Variants in MPO observed in about 807,000 individuals in gnomAD.
MPO encodes the protein myeloperoxidase.
Under a neutral mutation model 69.4 loss-of-function variants are expected in MPO, and 57 were observed. That is an observed-to-expected ratio of 0.82 (90% CI 0.66 to 1.02). MPO has a LOEUF of 1.02. Among genes scored for constraint, MPO ranks in the 50% least tolerant of loss-of-function variants. The pLI, the probability that MPO is intolerant of heterozygous loss-of-function variation, is 0.00. For missense variants in MPO, 971 were observed against 1,014.1 expected (o/e 0.96, Z 0.58); for synonymous variants, 426 against 417.1 (o/e 1.02, Z -0.26).
Position 58,273,478 on chromosome 17 carries a change from C to T in MPO, c.1557G>A (p.Met519Ile), listed in dbSNP as rs921917394. 8 of 1,610,514 alleles carry T rather than the reference C, an allele frequency of 5.0e-6. No homozygotes were observed. The African/African-American group carries it at 9.3e-5, about 19-fold the overall frequency. The change falls in exon 9 of 12, where the codon ATG (methionine) becomes ATA (isoleucine). Residue 519 changes from methionine to isoleucine, a missense_variant. Physicochemically the swap from Met to Ile is conservative, Grantham distance 10. Coordinates refer to ENST00000225275, the MANE Select transcript of MPO (RefSeq NM_000250.2). ...MFRLDNRYQP[M>I]EPNPRVPLSR... ...TGAGGGGGACACGGGGGTTGGGTTC[C>T]ATGGGCTGGTACCGATTGTCCAGGC... is the stretch of plus-strand genomic sequence containing the variant.
rs1415283224 is a variant in MPO, at chr17:58,273,456, G to T, written c.1579C>A (p.Leu527Ile). 1 of 1,614,216 alleles carries T rather than the reference G, an allele frequency of 6.2e-7. No individual in the cohort carries two copies. Among genetic ancestry groups the T allele is most frequent in the African/African-American group, 1.3e-5 (1 of 75,046 alleles). ...QPMEPNPRVP[L>I]SRVFFASWRV... ...CAGGAGGCAAAAAAGACCCTGCTGA[G>T]GGGGACACGGGGGTTGGGTTCCATG... Residue 527 changes from leucine to isoleucine, a missense_variant, in exon 9 of 12, where the codon CTC (leucine) becomes ATC (isoleucine). Physicochemically the swap from Leu to Ile is conservative, Grantham distance 5. Transcript: ENST00000225275.
Position 58,277,813 on chromosome 17 carries a change from A to T in MPO, c.1204+14T>A. On this transcript the variant is annotated intron_variant, in intron 7 of 11. Transcript: ENST00000225275. ...ATCTCCTATGCCACCTCTGGTCCCC[A>T]CCCCAAAGCTGACCTGCCAGGAAGC... The T allele has an allele frequency of 6.2e-7, 1 of 1,600,208 alleles. No homozygotes were observed. The highest frequency in any genetic ancestry group is 8.5e-7 in the Non-Finnish European group (1 of 1,179,930).
chr17:58,274,286 T>C (rs183982901), intron 8 of MPO: 20 of 456,634 alleles, frequency 4.4e-5, no homozygotes, highest in African/African-American at 3.8e-4. Context: ...TTCACTTGAG[T>C]TCTTAGTGCA....
chr17:58,279,838 C>T lies in MPO; in HGVS notation c.424+1G>A, dbSNP rs1970491408. The stretch of plus-strand genomic sequence containing the variant: ...ACCTGGGGTGTGATGGGCAACAGTA[C>T]CAGTGACATTGAATGGCCTTCGCCA... On this transcript the variant is annotated splice_donor_variant, in intron 3 of 11. Transcript: ENST00000225275. LOFTEE classifies it high-confidence loss of function. 6.2e-7 allele frequency: 1 copy of T among 1,613,938 alleles called. No individual in the cohort carries two copies. The highest frequency in any genetic ancestry group is 8.5e-7 in the Non-Finnish European group (1 of 1,180,022).
chr17:58,273,056 G>C (rs1211820346), intron 9 of MPO, 138 bp from the exon 10 acceptor site: 7 of 1,092,570 alleles, frequency 6.4e-6, no homozygotes, highest in African/African-American at 4.7e-5. Context: ...GTGCCAAGGT[G>C]GTGGCCCCAG....
At position 58,278,151 on chromosome 17, in the gene MPO, G is replaced by A. The variant is rs1289482888; in HGVS notation, c.886-6C>T. On this transcript the variant is annotated splice_region_variant and splice_polypyrimidine_tract_variant and intron_variant, in intron 6 of 11. Coordinates refer to ENST00000225275, the MANE Select transcript of MPO (RefSeq NM_000250.2). Reference sequence around the variant, plus strand: ...CGGGGGTCATTGGGCGGGATCTGAGGCACAGAGAGAGGCTAGACTGGCTCA... The same window carrying A: ...CGGGGGTCATTGGGCGGGATCTGAGACACAGAGAGAGGCTAGACTGGCTCA... 1.2e-6 allele frequency: 2 copies of A among 1,600,408 alleles called. No homozygotes were observed. The highest frequency in any genetic ancestry group is 2.2e-5 in the East Asian group (1 of 44,870).
Position 58,277,965 on chromosome 17 carries a change from T to C in MPO, c.1066A>G (p.Met356Val), listed in dbSNP as rs775499616. 60 of 1,613,592 alleles carry C rather than the reference T, an allele frequency of 3.7e-5. No homozygotes were observed. The highest frequency in any genetic ancestry group is 4.3e-5 in the Non-Finnish European group (51 of 1,180,036). The change falls in exon 7 of 12, where the codon ATG becomes GTG. Residue 356 changes from methionine to valine, a missense_variant. Physicochemically the swap from Met to Val is conservative, Grantham distance 21. Coordinates refer to ENST00000225275, the MANE Select transcript of MPO (RefSeq NM_000250.2). ...EEPLARNLRNMSNQLGLLAVN... is the reference protein window; with the variant it reads ...EEPLARNLRNVSNQLGLLAVN... Reference sequence around the variant, plus strand: ...GCCAGCAGCCCCAGCTGGTTGGACATGTTGCGCAGGTTCCTGGCCAGGGGC... The same window carrying C: ...GCCAGCAGCCCCAGCTGGTTGGACACGTTGCGCAGGTTCCTGGCCAGGGGC...
rs534701930 is a variant in MPO at position 58,271,902 on chromosome 17, G to A, written c.1793-10C>T. 3.7e-6 allele frequency: 6 copies of A among 1,613,526 alleles called. No homozygotes were observed. Among genetic ancestry groups the A allele is most frequent in the Admixed American group, 1.7e-5 (1 of 60,030 alleles). The stretch of plus-strand genomic sequence containing the variant: ...CTCCAGGCATTGTATCCTGCATGGG[G>A]GAGGGGACAGGTGGCTATGGGCAGG... On this transcript the variant is annotated splice_polypyrimidine_tract_variant and intron_variant, in intron 10 of 11. Transcript: ENST00000225275.
In MPO at chr17:58,271,880, C is replaced by T. The variant is rs555739612; in HGVS notation, c.1805G>A (p.Trp602Ter). The part of the protein sequence containing the change: ...RDHGLPGYNA[W>*]RRFCGLPQPE... ...CTGCGGGAGCCCACAGAAGCGCCTC[C>T]AGGCATTGTATCCTGCATGGGGGAG... is the stretch of plus-strand genomic sequence containing the variant. The change falls in exon 11 of 12, where the codon TGG becomes TAG. Residue 602 changes from tryptophan to a stop codon, truncating the protein, a stop_gained. Transcript: ENST00000225275. LOFTEE classifies it high-confidence loss of function. 42 of 1,614,064 alleles carry T rather than the reference C, an allele frequency of 2.6e-5. No homozygotes were observed. The East Asian group carries it at 5.8e-4, about 22-fold the overall frequency.
chr17:58,280,087 C>T lies in MPO; in HGVS notation c.249-73G>A, dbSNP rs1970497244. 11 of 1,589,200 alleles carry T rather than the reference C, an allele frequency of 6.9e-6. 1 individual carries two copies. In the South Asian group the frequency reaches 9.9e-5, roughly 14 times the overall value. On this transcript the variant is annotated intron_variant, in intron 2 of 11. Coordinates refer to ENST00000225275, the MANE Select transcript of MPO (RefSeq NM_000250.2). The stretch of plus-strand genomic sequence containing the variant: ...ACCCAGCAGAGCCCCAGCCCAGGGG[C>T]AGACATGCAGGACCATGCAGGCAGG...
In MPO at chr17:58,280,023, A is replaced by C. The variant is rs778612971; in HGVS notation, c.249-9T>G. The C allele has an allele frequency of 1.4e-5, 23 of 1,611,908 alleles. No individual in the cohort carries two copies. Among genetic ancestry groups the C allele is most frequent in the Non-Finnish European group, 1.9e-5 (22 of 1,179,994 alleles). ...GAAGCCGCTGCTTGATGCTGCTTGG[A>C]GAAAGGAGGAGTGAGGGCCAGAGAA... On this transcript the variant is annotated splice_polypyrimidine_tract_variant and intron_variant, in intron 2 of 11. Coordinates refer to ENST00000225275, the MANE Select transcript of MPO (RefSeq NM_000250.2).
chr17:58,280,654 C>A lies in MPO; in HGVS notation c.105G>T (p.Gly35=), dbSNP rs1047767847. 1 of 1,614,110 alleles carries A rather than the reference C, an allele frequency of 6.2e-7. No homozygotes were observed. The highest frequency in any genetic ancestry group is 1.3e-5 in the African/African-American group (1 of 74,940). Residue 35 remains glycine (G), a synonymous_variant, in exon 1 of 12, where the codon GGG becomes GGT. Coordinates refer to ENST00000225275, the MANE Select transcript of MPO (RefSeq NM_000250.2). ...GGGGCGTGGCCAGAATGGCCAGGAG[C>A]CCTGCTAGGGCCAGAAGCAGCTTCA... ...AEMKLLLALA[G]LLAILATPQP...
At position 58,279,370 on chromosome 17, in the gene MPO, T is replaced by TC. The variant is rs776858998; in HGVS notation, c.604dup (p.Glu202GlyfsTer3). The TC allele has an allele frequency of 1.9e-6, 3 of 1,596,776 alleles. No individual in the cohort carries two copies. The African/African-American group carries it at 4.0e-5, about 21-fold the overall frequency. On this transcript the variant is annotated frameshift_variant, in exon 5 of 12. Coordinates refer to ENST00000225275, the MANE Select transcript of MPO (RefSeq NM_000250.2). LOFTEE classifies it high-confidence loss of function. ...GGGAAGAGAGAAGCCGTCCTCATAC[T>TC]CCGCCGGCAGCCAGCGCACAAAGGC...
In MPO at chr17:58,275,558, A is replaced by G; in HGVS notation, c.1349T>C (p.Val450Ala). Reference protein sequence around the residue: ...ERLYQEARKIVGAMVQIITYR... With the variant: ...ERLYQEARKIAGAMVQIITYR... ...ACGGCCTACCTGGACCATGGCCCCC[A>G]CGATCTTCCGGGCTTCCTGGTAGAG... The change falls in exon 8 of 12, where the codon GTG becomes GCG. Residue 450 changes from valine to alanine, a missense_variant. Physicochemically the swap from Val to Ala is moderately conservative, Grantham distance 64. Transcript: ENST00000225275. This position sits in a 1 kb window ranked among gnomAD's most constrained non-coding sequence, Gnocchi z 4.1. 1 of 1,614,054 alleles carries G rather than the reference A, an allele frequency of 6.2e-7. No homozygotes were observed. The highest frequency in any genetic ancestry group is 2.2e-5 in the East Asian group (1 of 44,878).
rs770768376 is a variant in MPO, at chr17:58,280,450, C to A, written c.164G>T (p.Gly55Val). The A allele has an allele frequency of 6.2e-7, 1 of 1,614,048 alleles. No homozygotes were observed. The highest frequency in any genetic ancestry group is 2.2e-5 in the East Asian group (1 of 44,852). The change falls in exon 2 of 12, where the codon GGG (glycine) becomes GTG (valine). Residue 55 changes from glycine to valine, a missense_variant. Coordinates refer to ENST00000225275, the MANE Select transcript of MPO (RefSeq NM_000250.2). Reference protein sequence around the residue: ...PSEGAAPAVLGEVDTSLVLSS... With the variant: ...PSEGAAPAVLVEVDTSLVLSS... ...CAGCACCAACGAGGTGTCCACCTCC[C>A]CCAGGACAGCTGCCCAGAGCAGGGA...
intron 6 of MPO, 185 bp downstream of exon 6, chr17:58,278,822 TG>T: frequency 1.4e-6 from 1 of 732,484 alleles, no homozygotes; most frequent in South Asian, 1.7e-5. Context: ...GGCTGCCAGC[TG>T]GCTGAGCCCA....
rs1439962129 is a variant in MPO at position 58,270,390 on chromosome 17, G to A, written c.*266C>T. On this transcript the variant is annotated 3_prime_UTR_variant, in exon 12 of 12. Transcript: ENST00000225275. The surrounding 1 kb of genome is among the most constrained non-coding windows in gnomAD (Gnocchi z 4.1). The stretch of plus-strand genomic sequence containing the variant: ...CGCTCTGCTGCCTTCCACATACTCA[G>A]TATTCTCATCAGCACAAACACACAC... 1 of 486,054 alleles carries A rather than the reference G, an allele frequency of 2.1e-6. No individual in the cohort carries two copies. Among genetic ancestry groups the A allele is most frequent in the Non-Finnish European group, 3.8e-6 (1 of 261,180 alleles). 30.1% of individuals were successfully genotyped at this position (486,054 alleles called of 1,614,324 possible).
At chr17:58,271,113 T>C (rs965427412) in intron 11 of MPO, among the ~76,000 whole-genome samples, 1 of 152,024 alleles carries the variant, frequency 6.6e-6, no homozygotes, top group Admixed American at 6.5e-5. Context: ...CAGGGCACCA[T>C]GCTGGAGGGG....
chr17:58,280,749 GA>G lies in MPO; in HGVS notation c.9del (p.Phe5SerfsTer11). The G allele has an allele frequency of 6.2e-7, 1 of 1,614,188 alleles. No individual in the cohort carries two copies. Among genetic ancestry groups the G allele is most frequent in the Non-Finnish European group, 8.5e-7 (1 of 1,180,032 alleles). ...ATGCATCTGAGAGAAGAGAAGAAGG[GA>G]ACCCCCATCTCTCTTCTCCTGGGCT... MG[V>X]PFFSSLRCMV... On this transcript the variant is annotated frameshift_variant, in exon 1 of 12. Transcript: ENST00000225275. LOFTEE classifies it high-confidence loss of function.
Sources: allele counts gnomAD v4.1 joint callset (sites outside exome capture counted in the v4.1 genomes callset), GRCh38; gene constraint gnomAD v4.1.1; non-coding constraint Gnocchi (gnomAD v3.1); transcripts MANE v1.5; gene names NCBI Gene and HGNC (gene_info 2026-07-23, HGNC 2026-07-21).